Variants in PDE1C observed in about 807,000 individuals in gnomAD.
PDE1C encodes phosphodiesterase 1C.
A neutral mutation model predicts 93.1 loss-of-function variants in PDE1C; 62 were observed. The ratio of observed to expected loss-of-function variants is 0.67; its 90% confidence interval spans 0.54 to 0.82. PDE1C has a LOEUF of 0.82. Among genes scored for constraint, PDE1C ranks in the 40% least tolerant of loss-of-function variants. The pLI, the probability that PDE1C is intolerant of heterozygous loss-of-function variation, is 0.00. For synonymous variants in PDE1C, 325 were observed against 310.1 expected (o/e 1.05, Z -0.50); for missense variants, 742 against 884.6 (o/e 0.84, Z 2.04).
At chr7:31,839,060 ATATT>A (rs1489023282) in intron 9 of PDE1C, among the ~76,000 whole-genome samples, 8 of 148,326 alleles carry the variant, frequency 5.4e-5, no homozygotes, top group African/African-American at 1.2e-4. Flanking sequence ...ACATATATAC[ATATT>A]TATTATATAC....
At chr7:31,805,791 C>T (rs2128702546) in intron 16 of PDE1C, among the ~76,000 whole-genome samples, 1 of 152,034 alleles carries the variant, frequency 6.6e-6, no homozygotes, top group African/African-American at 2.4e-5. Flanking sequence ...CAGAGAGTCA[C>T]TGAGACGTGC....
intron 3 of PDE1C, among the ~76,000 whole-genome samples, chr7:32,098,723 AGACATAT>A (rs1219839193): frequency 6.6e-6 from 1 of 152,204 alleles, no homozygotes; most frequent in Non-Finnish European, 1.5e-5. Flanking sequence ...GGGTACATCC[AGACATAT>A]ATCTTGGGCC....
In PDE1C at chr7:32,267,584, ACACTCTCT is replaced by A. The variant is rs1472409774; in HGVS notation, c.85+31059_85+31066del. Reference sequence around the variant, plus strand: ...CTTTCTCTCTCTCTCACACACACACACACTCTCTCTCTCTCTCTCTCTCTCTCTCTCTC... The same window carrying A: ...CTTTCTCTCTCTCTCACACACACACACTCTCTCTCTCTCTCTCTCTCTCTC... On this transcript the variant is annotated intron_variant, in intron 1 of 18. Coordinates refer to the PDE1C transcript ENST00000396193. 3.5e-3 allele frequency among the ~76,000 whole-genome samples: 401 copies of A among 113,140 alleles called. 3 individuals carry two copies. The highest frequency in any genetic ancestry group is 7.2e-3 in the East Asian group (21 of 2,912). The allele number at this position is 113,140 out of a possible 152,430, so 74.2% of individuals were successfully genotyped here.
At chr7:32,052,056 C>A (rs960118057) in intron 1 of PDE1C, among the ~76,000 whole-genome samples, 48 of 152,106 alleles carry the variant, frequency 3.2e-4, no homozygotes, top group African/African-American at 1.1e-3. Context: ...TACTATTATC[C>A]CCAACATCTA....
At chr7:32,292,305 C>T (rs1023533412) in intron 1 of PDE1C, among the ~76,000 whole-genome samples, 1 of 152,114 alleles carries the variant, frequency 6.6e-6, no homozygotes, top group African/African-American at 2.4e-5. Context: ...GAGATCTACC[C>T]TCTAAGCAAA....
At chr7:31,912,047 T>A (rs1165248845) in intron 2 of PDE1C, among the ~76,000 whole-genome samples, 1 of 152,154 alleles carries the variant, frequency 6.6e-6, no homozygotes, top group Non-Finnish European at 1.5e-5. Context: ...TTTTAAATCA[T>A]AAGTTAAATC....
chr7:31,952,256 T>C (rs1323492745), intron 2 of PDE1C, among the ~76,000 whole-genome samples: 1 of 152,064 alleles, frequency 6.6e-6, no homozygotes, highest in Non-Finnish European at 1.5e-5. Context: ...GAACTACCTT[T>C]TTTTTTTCCT....
chr7:32,186,023 G>C (rs73104556), intron 2 of PDE1C, among the ~76,000 whole-genome samples: 17,768 of 149,586 alleles, frequency 0.12, 1,202 homozygotes, highest in Middle Eastern at 0.19. Context: ...TTTTAGATTT[G>C]ATATTTTCAT....
At chr7:32,281,706 A>G (rs1337436111) in intron 1 of PDE1C, among the ~76,000 whole-genome samples, 1 of 152,250 alleles carries the variant, frequency 6.6e-6, no homozygotes, top group African/African-American at 2.4e-5. Context: ...GTCTCTTTAA[A>G]GAAATACAGA....
intron 2 of PDE1C, among the ~76,000 whole-genome samples, chr7:32,170,776 C>T (rs1265574726): frequency 1.3e-5 from 2 of 152,190 alleles, no homozygotes; most frequent in East Asian, 1.9e-4. Context: ...CTCCCCCAAC[C>T]CCCAACTCCT....
chr7:31,825,063 T>C lies in PDE1C; in HGVS notation c.1286-76A>G. On this transcript the variant is annotated intron_variant, in intron 12 of 17. Coordinates refer to ENST00000396191, the MANE Select transcript of PDE1C (RefSeq NM_001191057.4). ...TTCCATACTTTCCAGAAGAAACTGATCTAGAAGTTCCAGATCAGATTAAAA... is the reference window on the plus strand; with the variant it reads ...TTCCATACTTTCCAGAAGAAACTGACCTAGAAGTTCCAGATCAGATTAAAA... 6 of 1,577,574 alleles carry C rather than the reference T, an allele frequency of 3.8e-6. No individual in the cohort carries two copies. In the South Asian group the frequency reaches 6.7e-5, roughly 18 times the overall value.
intron 1 of PDE1C, chr7:32,209,634 C>T (rs1375866844): frequency 1.0e-5 from 11 of 1,053,458 alleles, no homozygotes; most frequent in East Asian, 2.6e-5. Context: ...GCTTTGACAT[C>T]GGGCTGTATT....
At chr7:32,337,259 C>T (rs215660) in intron 1 of PDE1C, among the ~76,000 whole-genome samples, 145,129 of 152,222 alleles carry the variant, frequency 0.95, 69,376 homozygotes, top group East Asian at 1. Context: ...CTATGTTGAG[C>T]CCTCGGAAGT....
At chr7:31,826,363 C>T (rs1009911625) in intron 12 of PDE1C, among the ~76,000 whole-genome samples, 4 of 152,230 alleles carry the variant, frequency 2.6e-5, no homozygotes, top group African/African-American at 4.8e-5. Flanking sequence ...GATAAGGAAA[C>T]AGTGATAGCC....
the PDE1C span, among the ~76,000 whole-genome samples, chr7:31,730,903 A>T: frequency 1.3e-5 from 2 of 152,094 alleles, no homozygotes; most frequent in South Asian, 4.1e-4. Flanking sequence ...CACACTGCAG[A>T]CAAAGGAAGC....
chr7:32,350,566 A>ACAGG (rs1562686460), intron 1 of PDE1C, among the ~76,000 whole-genome samples: 39 of 880 alleles, frequency 0.044, 16 homozygotes, highest in Admixed American at 0.43. Flanking sequence ...ATATATATAT[A>ACAGG]TATATATATA....
chr7:32,247,100 C>T (rs1417987281), intron 1 of PDE1C, among the ~76,000 whole-genome samples: 1 of 152,150 alleles, frequency 6.6e-6, no homozygotes, highest in Non-Finnish European at 1.5e-5. Context: ...TCAAGAATGG[C>T]TCCACAGAAA....
intron 2 of PDE1C, among the ~76,000 whole-genome samples, chr7:32,195,341 A>G (rs1804537034): frequency 6.6e-6 from 1 of 151,998 alleles, no homozygotes; most frequent in Admixed American, 6.5e-5. Context: ...GTTTTCCTTC[A>G]TTTTATAATG....
chr7:31,969,229 T>C (rs552137116), intron 2 of PDE1C, among the ~76,000 whole-genome samples: 32 of 152,224 alleles, frequency 2.1e-4, no homozygotes, highest in African/African-American at 7.7e-4. Flanking sequence ...AGAAAATGTT[T>C]GCAACCTACT....
Sources: allele counts gnomAD v4.1 joint callset (sites outside exome capture counted in the v4.1 genomes callset), GRCh38; gene constraint gnomAD v4.1.1; transcripts MANE v1.5; gene names NCBI Gene and HGNC (gene_info 2026-07-23, HGNC 2026-07-21).